PAFAH1B1: variants seen among roughly 807,000 people sequenced by gnomAD.
The protein encoded by PAFAH1B1 is platelet-activating factor acetylhydrolase IB subunit beta.
In PAFAH1B1, 2 loss-of-function variants were observed where a neutral mutation model predicts 57.5. The ratio of observed to expected loss-of-function variants is 0.03; its 90% CI spans 0.01 to 0.11. PAFAH1B1 has a LOEUF of 0.11. Among genes scored for constraint, PAFAH1B1 ranks in the 10% least tolerant of loss-of-function variants. The pLI is 1.00. For synonymous variants in PAFAH1B1, 152 were observed against 169.6 expected, an observed-to-expected ratio of 0.90 and a Z score of 0.81; for missense variants, 257 against 512.0, an observed-to-expected ratio of 0.50 and a Z score of 4.81.
At position 2,682,159 on chromosome 17, in the gene PAFAH1B1, A is replaced by C; in HGVS notation, c.*357A>C. The C allele has an allele frequency of 5.4e-6, 1 of 186,278 alleles. No homozygotes were observed. Among genetic ancestry groups the C allele is most frequent in the South Asian group, 1.5e-4 (1 of 6,634 alleles). The allele number at this position is 186,278 out of a possible 1,614,324, so 11.5% of individuals were successfully genotyped here. A position where few individuals can be genotyped will look rare whatever the true frequency, so the allele number is the denominator to read the frequency against. ...ATTAATTCCTGTTTTTCTTTCTGCT[A>C]TCTGTTGGTGCCTGACTTGATGGCC... On this transcript the variant is annotated 3_prime_UTR_variant, in exon 11 of 11. Transcript: ENST00000397195.
At chr17:2,642,864 C>T (rs919733472) in intron 2 of PAFAH1B1, among the ~76,000 whole-genome samples, 2 of 152,116 alleles carry the variant, frequency 1.3e-5, no homozygotes, top group African/African-American at 2.4e-5. Context: ...CCTCACTCCC[C>T]GCTGTCCTAT....
intron 5 of PAFAH1B1, 82 bp from the exon 6 acceptor site, chr17:2,670,081 C>A: frequency 1.8e-6 from 2 of 1,119,970 alleles, no homozygotes; most frequent in South Asian, 1.2e-5. Context: ...AGTAAGGTGC[C>A]AGACTGGCCT....
At chr17:2,613,709 C>T in intron 1 of PAFAH1B1, 1 of 283,114 alleles carries the variant, frequency 3.5e-6, no homozygotes, top group Non-Finnish European at 7.2e-6. Context: ...GGTCCACTTG[C>T]TGACGTCCTC....
chr17:2,624,222 A>G (rs1279328878), intron 1 of PAFAH1B1, among the ~76,000 whole-genome samples: 1 of 152,190 alleles, frequency 6.6e-6, no homozygotes, highest in Non-Finnish European at 1.5e-5. Flanking sequence ...TGTAAAAGTC[A>G]TTCAACAAGT....
chr17:2,616,640 T>C (rs1336784350), intron 1 of PAFAH1B1, among the ~76,000 whole-genome samples: 3 of 152,222 alleles, frequency 2.0e-5, no homozygotes, highest in Admixed American at 6.5e-5. Flanking sequence ...TGAAGAAATA[T>C]CTTCACAGCA....
At chr17:2,670,982 C>CCACATAGGA (rs1259079363) in intron 6 of PAFAH1B1, among the ~76,000 whole-genome samples, 1 of 152,058 alleles carries the variant, frequency 6.6e-6, no homozygotes, top group Admixed American at 6.6e-5. Flanking sequence ...GTAGTACCTG[C>CCACATAGGA]CACATAGGAG....
intron 8 of PAFAH1B1, among the ~76,000 whole-genome samples, chr17:2,674,621 C>A (rs995788661): frequency 1.3e-5 from 2 of 152,102 alleles, no homozygotes; most frequent in African/African-American, 4.8e-5. Context: ...GAAAAATAGC[C>A]TTCATTAATG....
chr17:2,675,111 C>G (rs1202427667), intron 8 of PAFAH1B1, among the ~76,000 whole-genome samples: 2 of 152,220 alleles, frequency 1.3e-5, no homozygotes, highest in South Asian at 2.1e-4. Flanking sequence ...AGGCGATTCT[C>G]CTGCCTCAGC....
At position 2,680,214 on chromosome 17, in the gene PAFAH1B1, G is replaced by T; in HGVS notation, c.1053G>T (p.Lys351Asn). Residue 351 changes from lysine (K) to asparagine (N), a missense_variant, in exon 10 of 11, where the codon AAG becomes AAT. By Grantham distance (94) the Lys-to-Asn change is moderately conservative. Coordinates refer to ENST00000397195, the MANE Select transcript of PAFAH1B1 (RefSeq NM_000430.4). The part of the protein sequence containing the change: ...VRGVLFHSGG[K>N]FILSCADDKT... ...GAGTTCTGTTCCATTCTGGGGGGAA[G>T]TTTATTTTGAGTTGTGCTGATGACA... is the stretch of plus-strand genomic sequence containing the variant. 1 of 1,614,140 alleles carries T rather than the reference G, an allele frequency of 6.2e-7. No homozygotes were observed.
chr17:2,623,866 C>G (rs2068454920), intron 1 of PAFAH1B1, among the ~76,000 whole-genome samples: 1 of 150,848 alleles, frequency 6.6e-6, no homozygotes, highest in Non-Finnish European at 1.5e-5. Context: ...CTCGAAACTG[C>G]TGACTTCAGA....
chr17:2,679,170 C>G (rs2069322860), intron 9 of PAFAH1B1, among the ~76,000 whole-genome samples: 1 of 152,176 alleles, frequency 6.6e-6, no homozygotes, highest in African/African-American at 2.4e-5. Context: ...TGTAGCAAAC[C>G]TTTAATTTAG....
intron 5 of PAFAH1B1, among the ~76,000 whole-genome samples, chr17:2,668,942 CT>C (rs916674496): frequency 1.6e-4 from 24 of 152,170 alleles, no homozygotes; most frequent in African/African-American, 5.3e-4. Context: ...CGCCACTGCA[CT>C]CCAGCCTGGG....
intron 1 of PAFAH1B1, among the ~76,000 whole-genome samples, chr17:2,616,986 T>C (rs1385088511): frequency 1.3e-5 from 2 of 151,540 alleles, no homozygotes; most frequent in Non-Finnish European, 2.9e-5. Context: ...GGCAGGAGAA[T>C]GGTGTGAACC....
At chr17:2,673,385 AT>A (rs1179989075) in intron 7 of PAFAH1B1, among the ~76,000 whole-genome samples, 9 of 152,020 alleles carry the variant, frequency 5.9e-5, no homozygotes, top group African/African-American at 2.2e-4. Context: ...CACGCCTGTA[AT>A]CCCAGCACTT....
chr17:2,673,365 C>T (rs188876939), intron 7 of PAFAH1B1, among the ~76,000 whole-genome samples: 2 of 151,896 alleles, frequency 1.3e-5, no homozygotes, highest in African/African-American at 4.8e-5. Flanking sequence ...TTTGGCCGGG[C>T]GCGGTGGCTC....
At chr17:2,597,781 A>AGTGTGT (rs142241253) in intron 1 of PAFAH1B1, among the ~76,000 whole-genome samples, 3 of 150,852 alleles carry the variant, frequency 2.0e-5, no homozygotes, top group Non-Finnish European at 3.0e-5. Context: ...AGAGACAGAA[A>AGTGTGT]GTGTGTGTGT....
At chr17:2,631,358 T>A (rs1321126050) in intron 1 of PAFAH1B1, among the ~76,000 whole-genome samples, 1 of 152,164 alleles carries the variant, frequency 6.6e-6, no homozygotes, top group Non-Finnish European at 1.5e-5. Context: ...GCATGCCGGA[T>A]TCGCACCCTC....
intron 2 of PAFAH1B1, among the ~76,000 whole-genome samples, chr17:2,663,963 G>GA (rs1192821519): frequency 1.3e-5 from 2 of 152,108 alleles, no homozygotes; most frequent in Admixed American, 6.5e-5. Context: ...AAAGTGCTGA[G>GA]ATTACAGGCG....
At chr17:2,623,960 C>T (rs775878999) in intron 1 of PAFAH1B1, among the ~76,000 whole-genome samples, 1 of 152,178 alleles carries the variant, frequency 6.6e-6, no homozygotes, top group Non-Finnish European at 1.5e-5. Context: ...CCTTTGAAAA[C>T]GAAATACTTT....
Sources: allele counts gnomAD v4.1 joint callset (sites outside exome capture counted in the v4.1 genomes callset), GRCh38; gene constraint gnomAD v4.1.1; transcripts MANE v1.5; gene names NCBI Gene and HGNC (gene_info 2026-07-23, HGNC 2026-07-21).